Variants in PCDH15 observed in about 807,000 individuals in gnomAD.
PCDH15 encodes protocadherin-15.
In PCDH15, 129 loss-of-function variants were observed where a neutral mutation model predicts 178.5. The observed-to-expected ratio is 0.72, with a 90% CI of 0.63 to 0.84. The LOEUF (loss-of-function observed/expected upper bound fraction) is 0.84, where lower values mean the gene tolerates loss of function less well. Among genes scored for constraint, PCDH15 ranks in the 40% least tolerant of loss-of-function variants. The probability of loss-of-function intolerance (pLI) is 0.00; values close to 1 mark genes in which losing one functional copy is unlikely to be tolerated. For missense variants in PCDH15, 2,230 were observed against 2,099.9 expected, an observed-to-expected ratio of 1.06 and a Z score of -1.21; for synonymous variants, 800 against 732.0, an observed-to-expected ratio of 1.09 and a Z score of -1.50.
chr10:54,121,996 GACACATACACAC>G (rs1216743930), intron 15 of PCDH15, among the ~76,000 whole-genome samples: 1 of 95,944 alleles, frequency 1.0e-5, no homozygotes, highest in African/African-American at 3.6e-5. Context: ...ACCGGGCAAA[GACACATACACAC>G]ACACACACAC....
intron 6 of PCDH15, among the ~76,000 whole-genome samples, chr10:54,333,053 C>A (rs1940191746): frequency 6.6e-6 from 1 of 152,240 alleles, no homozygotes; most frequent in Non-Finnish European, 1.5e-5. Flanking sequence ...AAGCGATTCT[C>A]CTGCCTCAGC....
chr10:55,432,790 TA>T (rs1385200228), intron 2 of PCDH15, among the ~76,000 whole-genome samples: 1 of 151,130 alleles, frequency 6.6e-6, no homozygotes, highest in African/African-American at 2.4e-5. Flanking sequence ...TATATATATA[TA>T]TATATTTTAT....
intron 23 of PCDH15, 34 bp from the exon 24 acceptor site, chr10:53,941,009 T>A (rs1400413126): frequency 7.1e-7 from 1 of 1,416,324 alleles, no homozygotes; most frequent in Non-Finnish European, 1.0e-6. Flanking sequence ...TATTTATTTT[T>A]AAATATAATT....
chr10:53,919,633 T>C (rs2083827479), intron 25 of PCDH15, among the ~76,000 whole-genome samples: 1 of 152,180 alleles, frequency 6.6e-6, no homozygotes, highest in African/African-American at 2.4e-5. Flanking sequence ...AGATTCAGAC[T>C]GAACCCGTAA....
chr10:54,883,174 T>C (rs902006653), intron 3 of PCDH15, among the ~76,000 whole-genome samples: 4 of 152,070 alleles, frequency 2.6e-5, no homozygotes, highest in Non-Finnish European at 5.9e-5. Flanking sequence ...AGCTACTCTC[T>C]TGAATTTATT....
chr10:53,972,752 C>T (rs1347665396), intron 21 of PCDH15, among the ~76,000 whole-genome samples: 2 of 152,142 alleles, frequency 1.3e-5, no homozygotes, highest in African/African-American at 2.4e-5. Context: ...TACCATCTCA[C>T]ACCAGTTAGA....
chr10:55,485,185 C>G (rs1840270367), intron 2 of PCDH15, among the ~76,000 whole-genome samples: 1 of 151,436 alleles, frequency 6.6e-6, no homozygotes. Context: ...AACTCAATAG[C>G]AAAAAAATCC....
rs115812165 is a variant in PCDH15, at chr10:54,861,795, C to T, written c.-29+35655G>A. ...GATTATATGATTTTATACATAAAAA[C>T]CCTAAAGATTCCTCCAAAAGACTCC... is the stretch of plus-strand genomic sequence containing the variant. On this transcript the variant is annotated intron_variant, in intron 3 of 5. Coordinates refer to the PCDH15 transcript ENST00000458638. Among the ~76,000 whole-genome samples the T allele has an allele frequency of 1.6e-3, 242 of 152,234 alleles. 2 individuals carry two copies. Among genetic ancestry groups the T allele is most frequent in the African/African-American group, 5.7e-3 (235 of 41,538 alleles).
intron 2 of PCDH15, among the ~76,000 whole-genome samples, chr10:54,660,550 C>T (rs578145323): frequency 2.1e-4 from 32 of 152,084 alleles, no homozygotes; most frequent in African/African-American, 6.7e-4. Flanking sequence ...GAGCTAGTAC[C>T]CATCTTGTAT....
chr10:54,367,532 G>A (rs1333531067), intron 5 of PCDH15, among the ~76,000 whole-genome samples: 12 of 151,870 alleles, frequency 7.9e-5, no homozygotes, highest in South Asian at 2.1e-4. Context: ...GCTGGAAACC[G>A]TCATTCTCAG....
chr10:54,358,083 A>G (rs1945336660), intron 5 of PCDH15, among the ~76,000 whole-genome samples: 2 of 150,694 alleles, frequency 1.3e-5, no homozygotes, highest in Non-Finnish European at 2.9e-5. Context: ...CCTAGGCATT[A>G]CCATTCAGGA....
In PCDH15 at chr10:55,261,602, T is replaced by C. The variant is rs555494574; in HGVS notation, c.-156+57997A>G. On this transcript the variant is annotated intron_variant, in intron 1 of 5. Coordinates refer to the PCDH15 transcript ENST00000458638. ...TTAAACAAATACATCCATATAATTA[T>C]ATAAACTTAGAGGAAATGGGTCAAG... Among the ~76,000 whole-genome samples, 3 of 152,294 alleles carry C rather than the reference T, an allele frequency of 2.0e-5. No individual in the cohort carries two copies. In the East Asian group the frequency reaches 5.8e-4, roughly 29 times the overall value.
At chr10:54,618,754 T>C (rs2093263627) in intron 2 of PCDH15, among the ~76,000 whole-genome samples, 1 of 152,058 alleles carries the variant, frequency 6.6e-6, no homozygotes, top group Non-Finnish European at 1.5e-5. Flanking sequence ...CTAATTATGT[T>C]GAAATATTAT....
intron 13 of PCDH15, among the ~76,000 whole-genome samples, chr10:54,159,588 G>C (rs1458133433): frequency 6.6e-6 from 1 of 152,046 alleles, no homozygotes; most frequent in Non-Finnish European, 1.5e-5. Context: ...AAATAGTTTT[G>C]ATGCTTAACT....
chr10:54,857,548 G>T (rs552806535), intron 3 of PCDH15, among the ~76,000 whole-genome samples: 10 of 151,944 alleles, frequency 6.6e-5, no homozygotes, highest in Non-Finnish European at 1.2e-4. Flanking sequence ...CTGGGAAAAA[G>T]AGATTCTGTG....
intron 2 of PCDH15, among the ~76,000 whole-genome samples, chr10:54,939,757 T>C (rs1838012840): frequency 6.6e-6 from 1 of 152,126 alleles, no homozygotes; most frequent in Admixed American, 6.6e-5. Context: ...TGACATCTGG[T>C]GAAGACTCAC....
intron 2 of PCDH15, among the ~76,000 whole-genome samples, chr10:54,546,677 T>A (rs2133087573): frequency 6.6e-6 from 1 of 152,290 alleles, no homozygotes; most frequent in East Asian, 1.9e-4. Flanking sequence ...AACACTGTAA[T>A]GTGAAATCTG....
intron 2 of PCDH15, among the ~76,000 whole-genome samples, chr10:55,166,421 C>A (rs1033151541): frequency 3.3e-5 from 5 of 152,044 alleles, no homozygotes; most frequent in African/African-American, 1.2e-4. Context: ...TATGTGAATC[C>A]AACATAACAT....
chr10:55,085,173 C>A (rs1842136845), intron 2 of PCDH15, among the ~76,000 whole-genome samples: 1 of 151,938 alleles, frequency 6.6e-6, no homozygotes, highest in Non-Finnish European at 1.5e-5. Flanking sequence ...TTTGAAGCAA[C>A]CTAAGTGTCT....
Sources: gnomAD v4.1 joint callset for allele counts (sites outside exome capture counted in the v4.1 genomes callset) on GRCh38, gnomAD v4.1.1 for gene constraint, MANE v1.5 for transcripts, NCBI Gene and HGNC (gene_info 2026-07-23, HGNC 2026-07-21) for gene names.